Variants in ASTN1 observed in about 807,000 individuals in gnomAD.
The protein encoded by ASTN1 is astrotactin 1.
Under a neutral mutation model 140.7 loss-of-function variants are expected in ASTN1, and 41 were observed. That is an observed-to-expected ratio of 0.29 (90% confidence interval 0.23 to 0.38). ASTN1 has a LOEUF of 0.38. Ranked by LOEUF, ASTN1 falls within the 10% of genes least tolerant of loss-of-function variation. ASTN1 has a pLI of 1.00. For synonymous variants in ASTN1, 640 were observed against 652.2 expected (o/e 0.98, Z 0.29); for missense variants, 1,479 against 1,678.8 (o/e 0.88, Z 2.08).
chr1:177,077,388 G>A (rs1678968466), intron 1 of ASTN1, among the ~76,000 whole-genome samples: 1 of 152,070 alleles, frequency 6.6e-6, no homozygotes, highest in Non-Finnish European at 1.5e-5. Flanking sequence ...TAATTTGCCG[G>A]TATAATTTTG....
At chr1:176,994,478 G>C (rs530180648) in intron 8 of ASTN1, among the ~76,000 whole-genome samples, 7 of 152,166 alleles carry the variant, frequency 4.6e-5, no homozygotes, top group African/African-American at 1.2e-4. Flanking sequence ...CAAGTAGTTG[G>C]AACTACAGGC....
intron 16 of ASTN1, among the ~76,000 whole-genome samples, chr1:176,911,146 T>C (rs1190921334): frequency 6.6e-6 from 1 of 152,162 alleles, no homozygotes; most frequent in Non-Finnish European, 1.5e-5. Context: ...GAAAAGGTAC[T>C]GTAATAACAT....
Position 176,861,709 on chromosome 1 carries a change from C to T in ASTN1, c.*2575G>A. On this transcript the variant is annotated 3_prime_UTR_variant, in exon 23 of 23. Coordinates refer to ENST00000361833, the MANE Select transcript of ASTN1 (RefSeq NM_004319.3). ...ACGTGTGTGTGTGTGTACATACATA[C>T]ACACATTCAGTGGGGAGAACTCAAC... 1 of 985,240 alleles carries T rather than the reference C, an allele frequency of 1.0e-6. No homozygotes were observed. Among genetic ancestry groups the T allele is most frequent in the Non-Finnish European group, 1.2e-6 (1 of 829,936 alleles). 61.0% of individuals were successfully genotyped at this position (985,240 alleles called of 1,614,324 possible). A position where few individuals can be genotyped will look rare whatever the true frequency, so the allele number is the denominator to read the frequency against.
intron 16 of ASTN1, among the ~76,000 whole-genome samples, chr1:176,910,547 C>T (rs554788925): frequency 6.6e-6 from 1 of 152,356 alleles, no homozygotes; most frequent in South Asian, 2.1e-4. Context: ...AAGACAGACA[C>T]TCAGAATATA....
intron 15 of ASTN1, among the ~76,000 whole-genome samples, chr1:176,934,588 C>G (rs1671353050): frequency 1.3e-5 from 2 of 151,738 alleles, no homozygotes; most frequent in South Asian, 4.2e-4. Context: ...TGCCAAACCT[C>G]TACTCCTGTC....
intron 8 of ASTN1, among the ~76,000 whole-genome samples, chr1:176,970,731 G>GGTGT (rs10642697): frequency 0.29 from 42,418 of 147,012 alleles, 6,083 homozygotes; most frequent in African/African-American, 0.34. Context: ...TGTGGGTATG[G>GGTGT]GTGTGTGTGT....
At chr1:177,135,969 C>G (rs982404594) in intron 1 of ASTN1, among the ~76,000 whole-genome samples, 3 of 152,162 alleles carry the variant, frequency 2.0e-5, no homozygotes, top group Non-Finnish European at 4.4e-5. Context: ...TAGAGAAGCA[C>G]CAGCTCTAAC....
At chr1:177,146,182 T>G (rs1445996580) in intron 1 of ASTN1, among the ~76,000 whole-genome samples, 1 of 152,210 alleles carries the variant, frequency 6.6e-6, no homozygotes, top group Non-Finnish European at 1.5e-5. Context: ...TTTTAAATAC[T>G]GGCTTAATAG....
chr1:177,090,325 A>C (rs749778012), intron 1 of ASTN1, among the ~76,000 whole-genome samples: 1 of 152,014 alleles, frequency 6.6e-6, no homozygotes, highest in Non-Finnish European at 1.5e-5. Context: ...GAGCATATGC[A>C]ACATGCTAGA....
rs1681653572 is a variant in ASTN1, at chr1:177,126,439, T to C, written c.283+37955A>G. Among the ~76,000 whole-genome samples, 5 of 152,312 alleles carry C rather than the reference T, an allele frequency of 3.3e-5. No homozygotes were observed. The South Asian group carries it at 1.0e-3, about 32-fold the overall frequency. On this transcript the variant is annotated intron_variant, in intron 1 of 22. Coordinates refer to ENST00000361833, the MANE Select transcript of ASTN1 (RefSeq NM_004319.3). ...AACTTCCAGATCAAATGAAATGCGA[T>C]ACTCTAGGGTCTGAGATCTGGCTTG...
chr1:176,987,156 T>G (rs1673945339), intron 8 of ASTN1, among the ~76,000 whole-genome samples: 1 of 152,166 alleles, frequency 6.6e-6, no homozygotes. Context: ...ATGTCCATAG[T>G]GCTGAGGTTG....
rs150040888 is a variant in ASTN1, at chr1:177,151,160, T to C, written c.283+13234A>G. Among the ~76,000 whole-genome samples, 48 of 152,226 alleles carry C rather than the reference T, an allele frequency of 3.2e-4. No homozygotes were observed. In the Middle Eastern group the frequency reaches 0.017, roughly 54 times the overall value. On this transcript the variant is annotated intron_variant, in intron 1 of 22. Transcript: ENST00000361833. Reference sequence around the variant, plus strand: ...ATGTATATTTTCAAACAGGAGGTGTTTCCTGGAAGGAGAGTGAAATTGTAT... The same window carrying C: ...ATGTATATTTTCAAACAGGAGGTGTCTCCTGGAAGGAGAGTGAAATTGTAT...
intron 2 of ASTN1, among the ~76,000 whole-genome samples, chr1:177,036,715 T>C (rs1003538154): frequency 6.6e-6 from 1 of 152,234 alleles, no homozygotes; most frequent in Non-Finnish European, 1.5e-5. Context: ...GGCAGGGGTC[T>C]AGCCACTTTG....
intron 1 of ASTN1, among the ~76,000 whole-genome samples, chr1:177,131,179 A>C (rs907555840): frequency 6.6e-5 from 10 of 151,990 alleles, no homozygotes; most frequent in African/African-American, 2.4e-4. Flanking sequence ...AATTAATACA[A>C]CCCTTCTGGA....
At chr1:176,980,684 T>A (rs1673571502) in intron 8 of ASTN1, among the ~76,000 whole-genome samples, 1 of 152,000 alleles carries the variant, frequency 6.6e-6, no homozygotes, top group Non-Finnish European at 1.5e-5. Flanking sequence ...TTGGGTGGGA[T>A]GGAATGGGGC....
rs559101010 is a variant in ASTN1, at chr1:177,024,955, G to A, written c.1121-223C>T. Among the ~76,000 whole-genome samples the A allele has an allele frequency of 6.6e-5, 10 of 152,254 alleles. 1 individual carries two copies. Among genetic ancestry groups the A allele is most frequent in the African/African-American group, 2.4e-4 (10 of 41,548 alleles). Reference sequence around the variant, plus strand: ...GACTTGGCCAACTGGTGGCCCTCCAGGTCAATAATAGTCTGTTGGCCATTT... The same window carrying A: ...GACTTGGCCAACTGGTGGCCCTCCAAGTCAATAATAGTCTGTTGGCCATTT... On this transcript the variant is annotated intron_variant, in intron 5 of 22. Transcript: ENST00000361833.
At chr1:176,917,995 T>C (rs1670563007) in intron 16 of ASTN1, among the ~76,000 whole-genome samples, 1 of 152,170 alleles carries the variant, frequency 6.6e-6, no homozygotes, top group South Asian at 2.1e-4. Context: ...TTTGCAGTTA[T>C]AGTACTTTAT....
At chr1:177,028,034 ACAGGAAAAATCCTTCACTAGG>A (rs1237584810) in intron 5 of ASTN1, among the ~76,000 whole-genome samples, 2 of 152,168 alleles carry the variant, frequency 1.3e-5, no homozygotes, top group East Asian at 1.9e-4. Context: ...AGCATCTGTT[ACAGGAAAAATCCTTCACTAGG>A]CACTTTGGAA....
At chr1:177,151,462 A>C (rs2102247427) in intron 1 of ASTN1, among the ~76,000 whole-genome samples, 1 of 151,750 alleles carries the variant, frequency 6.6e-6, no homozygotes, top group South Asian at 2.1e-4. Flanking sequence ...GAAAATTGTT[A>C]CCCTGAATGA....
Sources: gnomAD v4.1 joint callset for allele counts (sites outside exome capture counted in the v4.1 genomes callset) on GRCh38, gnomAD v4.1.1 for gene constraint, MANE v1.5 for transcripts, NCBI Gene and HGNC (gene_info 2026-07-23, HGNC 2026-07-21) for gene names.